Variants in CASQ2 observed in about 807,000 individuals in gnomAD.
CASQ2 encodes the protein calsequestrin 2.
CASQ2 carries 49 observed loss-of-function variants against 46.5 expected under a neutral mutation model. That is an observed-to-expected ratio of 1.05 (90% confidence interval 0.84 to 1.34). The LOEUF (loss-of-function observed/expected upper bound fraction) is 1.34. Ranked by LOEUF, CASQ2 falls within the 40% of genes most tolerant of loss-of-function variation. The probability of loss-of-function intolerance (pLI) is 0.00; values close to 1 mark genes in which losing one functional copy is unlikely to be tolerated. For missense variants in CASQ2, 486 were observed against 481.3 expected (o/e 1.01, Z -0.09); for synonymous variants, 174 against 168.5 (o/e 1.03, Z -0.25).
At chr1:115,757,518 C>T (rs992376593) in intron 1 of CASQ2, among the ~76,000 whole-genome samples, 19 of 152,170 alleles carry the variant, frequency 1.2e-4, no homozygotes, top group African/African-American at 4.3e-4. Flanking sequence ...CCCTCCCCAG[C>T]GTTTCCACGC....
chr1:115,737,460 C>T (rs1351171581), intron 4 of CASQ2, among the ~76,000 whole-genome samples: 1 of 152,198 alleles, frequency 6.6e-6, no homozygotes, highest in Non-Finnish European at 1.5e-5. Context: ...CAGAGTTATG[C>T]TCACCCGCTC....
chr1:115,764,781 T>G lies in CASQ2; in HGVS notation c.234+3527A>C, dbSNP rs75301968. ...AGTTTGCTGCCTCCTGGTGTCATAT[T>G]ACTTGCCTTTTTCTTGCTAAGCTGT... On this transcript the variant is annotated intron_variant, in intron 1 of 10. Transcript: ENST00000261448. Among the ~76,000 whole-genome samples the G allele has an allele frequency of 6.7e-3, 1,018 of 152,324 alleles. 10 individuals carry two copies. Among genetic ancestry groups the G allele is most frequent in the African/African-American group, 0.022 (934 of 41,568 alleles).
chr1:115,712,781 G>GGGA (rs1302365176), intron 8 of CASQ2, among the ~76,000 whole-genome samples: 1 of 151,210 alleles, frequency 6.6e-6, no homozygotes, highest in Non-Finnish European at 1.5e-5. Flanking sequence ...GCTTGAACCC[G>GGGA]GGAGGTGGAG....
chr1:115,764,096 T>A (rs1009458820), intron 1 of CASQ2, among the ~76,000 whole-genome samples: 2 of 151,734 alleles, frequency 1.3e-5, no homozygotes, highest in African/African-American at 4.8e-5. Flanking sequence ...GAAAAATAAT[T>A]TATGAAAGAA....
chr1:115,712,524 C>T (rs1423227368), intron 8 of CASQ2, among the ~76,000 whole-genome samples: 3 of 152,162 alleles, frequency 2.0e-5, no homozygotes, highest in Admixed American at 6.5e-5. Context: ...TGTACTTTAT[C>T]ATCTGTACAC....
chr1:115,717,955 AGGGACAG>A, intron 7 of CASQ2, 61 bp from the exon 8 acceptor site: 1 of 1,121,502 alleles, frequency 8.9e-7, no homozygotes, highest in Non-Finnish European at 1.4e-6. Context: ...GGACTGAGCC[AGGGACAG>A]GGACTCAGAA....
At chr1:115,716,337 G>A (rs1287450211) in intron 8 of CASQ2, among the ~76,000 whole-genome samples, 1 of 152,122 alleles carries the variant, frequency 6.6e-6, no homozygotes, top group East Asian at 1.9e-4. Context: ...CATTTACAGG[G>A]TCATCTTGCA....
chr1:115,748,096 CA>C (rs1444525706), intron 1 of CASQ2, among the ~76,000 whole-genome samples: 1 of 151,890 alleles, frequency 6.6e-6, no homozygotes, highest in Non-Finnish European at 1.5e-5. Flanking sequence ...TTGTACTTTT[CA>C]GTTCTATTGT....
At chr1:115,724,399 C>T (rs1286432902) in intron 7 of CASQ2, among the ~76,000 whole-genome samples, 1 of 152,168 alleles carries the variant, frequency 6.6e-6, no homozygotes, top group Non-Finnish European at 1.5e-5. Flanking sequence ...AGCTGCTGTG[C>T]TCAAACAATC....
At chr1:115,711,000 C>T (rs759225846) in intron 8 of CASQ2, among the ~76,000 whole-genome samples, 1 of 152,212 alleles carries the variant, frequency 6.6e-6, no homozygotes, top group Non-Finnish European at 1.5e-5. Context: ...ACAGCCAAGT[C>T]AGGAGCCAAG....
At chr1:115,730,252 T>C (rs1647740364) in intron 5 of CASQ2, among the ~76,000 whole-genome samples, 1 of 152,216 alleles carries the variant, frequency 6.6e-6, no homozygotes, top group Non-Finnish European at 1.5e-5. Context: ...CTAATATGGA[T>C]AGTGGTTGGG....
At chr1:115,727,270 C>A in intron 5 of CASQ2, 148 bp from the exon 6 acceptor site, 1 of 669,476 alleles carries the variant, frequency 1.5e-6, no homozygotes, top group Non-Finnish European at 2.7e-6. Flanking sequence ...GTGACAGGAA[C>A]TTATCACCCA....
In CASQ2 at chr1:115,738,238, C is replaced by T; in HGVS notation, c.518G>A (p.Ser173Asn). 6.2e-7 allele frequency: 1 copy of T among 1,607,362 alleles called. No individual in the cohort carries two copies. Among genetic ancestry groups the T allele is most frequent in the Non-Finnish European group, 8.5e-7 (1 of 1,173,782 alleles). The change falls in exon 4 of 11, where the codon AGT (serine) becomes AAT (asparagine). Residue 173 changes from serine (S) to asparagine (N), a missense_variant. Transcript: ENST00000261448. Reference sequence around the variant, plus strand: ...AGACAACTTACATTCTGAGTCCTCACTCTTGAAAAAGCCAATGAGTTTGAT... The same window carrying T: ...AGACAACTTACATTCTGAGTCCTCATTCTTGAAAAAGCCAATGAGTTTGAT... ...DYIKLIGFFK[S>N]EDSEYYKAFE...
intron 1 of CASQ2, among the ~76,000 whole-genome samples, chr1:115,754,029 T>C (rs994535086): frequency 1.3e-5 from 2 of 152,212 alleles, no homozygotes; most frequent in Admixed American, 6.5e-5. Flanking sequence ...CGGCTGTTTG[T>C]ACCCACTGTC....
chr1:115,708,962 G>A (rs889555839), intron 8 of CASQ2, among the ~76,000 whole-genome samples: 7 of 152,202 alleles, frequency 4.6e-5, no homozygotes, highest in Non-Finnish European at 7.3e-5. Flanking sequence ...CACGAGAACC[G>A]TGCCTTGATA....
chr1:115,711,285 G>A (rs902259864), intron 8 of CASQ2, among the ~76,000 whole-genome samples: 2 of 152,172 alleles, frequency 1.3e-5, no homozygotes, highest in African/African-American at 4.8e-5. Flanking sequence ...TGCTTGTGTG[G>A]CAGGTGGACA....
chr1:115,715,256 C>A (rs1472612493), intron 8 of CASQ2, among the ~76,000 whole-genome samples: 1 of 152,188 alleles, frequency 6.6e-6, no homozygotes, highest in Non-Finnish European at 1.5e-5. Context: ...CCACTGAAAC[C>A]ACACTAGCTT....
chr1:115,768,330 T>G lies in CASQ2; in HGVS notation c.212A>C (p.Gln71Pro), dbSNP rs768702390. The G allele has an allele frequency of 2.5e-6, 4 of 1,613,096 alleles. No individual in the cohort carries two copies. In the African/African-American group the frequency reaches 5.3e-5, roughly 22 times the overall value. The change falls in exon 1 of 11, where the codon CAA becomes CCA. Residue 71 changes from glutamine to proline, a missense_variant. By Grantham distance (76) the Gln-to-Pro change is moderately conservative. Coordinates refer to ENST00000261448, the MANE Select transcript of CASQ2 (RefSeq NM_001232.4). Reference protein sequence around the residue: ...SSDKVTQKQFQLKEIVLELVA... With the variant: ...SSDKVTQKQFPLKEIVLELVA... ...TACCTCAAGCACGATTTCTTTCAGT[T>G]GGAACTGTTTTTGCGTGACCTTATC...
intron 3 of CASQ2, among the ~76,000 whole-genome samples, chr1:115,739,393 G>A (rs571703530): frequency 3.3e-5 from 5 of 152,128 alleles, no homozygotes; most frequent in African/African-American, 1.2e-4. Flanking sequence ...GGGATTACAG[G>A]CATGAGCCAC....
Sources: allele counts gnomAD v4.1 joint callset (sites outside exome capture counted in the v4.1 genomes callset), GRCh38; gene constraint gnomAD v4.1.1; transcripts MANE v1.5; gene names NCBI Gene and HGNC (gene_info 2026-07-23, HGNC 2026-07-21).